The following SCFD2 variants were observed in gnomAD, a reference collection of about 807,000 sequenced individuals.
SCFD2 encodes sec1 family domain-containing protein 2.
Under a neutral mutation model 58.9 loss-of-function variants are expected in SCFD2, and 54 were observed. The ratio of observed to expected loss-of-function variants is 0.92; its 90% CI spans 0.74 to 1.15. The LOEUF is 1.15. Among genes scored for constraint, SCFD2 ranks in the 50% most tolerant of loss-of-function variants. SCFD2 has a pLI of 0.00. For missense variants in SCFD2, 805 were observed against 836.6 expected, an observed-to-expected ratio of 0.96 and a Z score of 0.47; for synonymous variants, 321 against 335.9, an observed-to-expected ratio of 0.96 and a Z score of 0.49.
At chr4:52,965,937 T>C (rs1720952790) in intron 5 of SCFD2, among the ~76,000 whole-genome samples, 1 of 152,234 alleles carries the variant, frequency 6.6e-6, no homozygotes, top group Non-Finnish European at 1.5e-5. Context: ...TCAAACAACA[T>C]GGGTAAACAT....
At chr4:53,281,689 T>G (rs540293733) in intron 3 of SCFD2, among the ~76,000 whole-genome samples, 1 of 152,178 alleles carries the variant, frequency 6.6e-6, no homozygotes, top group Non-Finnish European at 1.5e-5. Context: ...ATCACCGAAA[T>G]AGTCTATAAG....
chr4:53,017,174 C>T (rs1318951374), intron 5 of SCFD2, among the ~76,000 whole-genome samples: 2 of 152,014 alleles, frequency 1.3e-5, no homozygotes, highest in Non-Finnish European at 2.9e-5. Context: ...GGGTGGGCAC[C>T]GGTGGCTAAT....
chr4:53,180,866 T>C (rs1727527264), intron 4 of SCFD2, among the ~76,000 whole-genome samples: 1 of 152,146 alleles, frequency 6.6e-6, no homozygotes, highest in South Asian at 2.1e-4. Context: ...CAGAGAACAC[T>C]ATAAACACCT....
intron 4 of SCFD2, among the ~76,000 whole-genome samples, chr4:53,253,923 A>G (rs1730498911): frequency 6.6e-6 from 1 of 151,884 alleles, no homozygotes; most frequent in Non-Finnish European, 1.5e-5. Context: ...AGTCAAAAAA[A>G]AAAATCATGT....
chr4:53,100,369 T>C (rs1315717704), intron 5 of SCFD2, among the ~76,000 whole-genome samples: 1 of 152,130 alleles, frequency 6.6e-6, no homozygotes, highest in East Asian at 1.9e-4. Context: ...AGAAGTACCA[T>C]CATAGTTATG....
Position 52,936,534 on chromosome 4 carries a change from C to T in SCFD2, c.1562-15664G>A, listed in dbSNP as rs150411776. On this transcript the variant is annotated intron_variant, in intron 5 of 8. Transcript: ENST00000401642. ...GTCAATGAGTGTCTTAGTAATAAGA[C>T]TCTAAAATACCTCTTCACTTCTCCT... Among the ~76,000 whole-genome samples, 763 of 152,260 alleles carry T rather than the reference C, an allele frequency of 5.0e-3. 3 individuals carry two copies. The highest frequency in any genetic ancestry group is 0.018 in the African/African-American group (728 of 41,538).
chr4:53,199,872 T>C (rs1246453502), intron 4 of SCFD2, among the ~76,000 whole-genome samples: 1 of 152,068 alleles, frequency 6.6e-6, no homozygotes, highest in African/African-American at 2.4e-5. Flanking sequence ...AAGGGCTCTC[T>C]TCCTGCTTGC....
chr4:52,947,377 C>A (rs1259041567), intron 5 of SCFD2, among the ~76,000 whole-genome samples: 1 of 152,136 alleles, frequency 6.6e-6, no homozygotes, highest in East Asian at 1.9e-4. Context: ...AATACCAATT[C>A]TCTACAAATT....
chr4:53,113,307 A>G (rs1725224814), intron 5 of SCFD2, among the ~76,000 whole-genome samples: 1 of 152,038 alleles, frequency 6.6e-6, no homozygotes. Context: ...TTGGCCAATG[A>G]AATATGAGCA....
At position 53,313,720 on chromosome 4, in the gene SCFD2, T is replaced by C; in HGVS notation, c.1051A>G (p.Lys351Glu). ...KALWEALLNT[K>E]HKEAVMEVRR... ...ACTTCCATCACTGCCTCTTTGTGCT[T>C]AGTGTTCAGTAAAGCTTCCCATAGG... The change falls in exon 3 of 9, where the codon AAG (lysine) becomes GAG (glutamate). Residue 351 changes from lysine (K) to glutamate (E), a missense_variant. Physicochemically the swap from Lys to Glu is moderately conservative, Grantham distance 56. Around this residue, in one of 3 missense-constraint regions of SCFD2, gnomAD observed 633 missense variants for 646.8 expected, o/e 0.98. Coordinates refer to ENST00000401642, the MANE Select transcript of SCFD2 (RefSeq NM_152540.4). 6.2e-7 allele frequency: 1 copy of C among 1,614,076 alleles called. No homozygotes were observed. Among genetic ancestry groups the C allele is most frequent in the African/African-American group, 1.3e-5 (1 of 75,058 alleles).
In SCFD2 at chr4:53,297,065, G is replaced by C. The variant is rs553104265; in HGVS notation, c.1135+16571C>G. 7.9e-5 allele frequency among the ~76,000 whole-genome samples: 12 copies of C among 152,226 alleles called. No individual in the cohort carries two copies. The East Asian group carries it at 2.3e-3, about 29-fold the overall frequency. ...GGAGTGTTTTACTTCCAATTATGTG[G>C]TCAATTTTAGAATCAGTGTGGTGTG... On this transcript the variant is annotated intron_variant, in intron 3 of 8. Coordinates refer to ENST00000401642, the MANE Select transcript of SCFD2 (RefSeq NM_152540.4).
intron 4 of SCFD2, among the ~76,000 whole-genome samples, chr4:53,152,615 C>T (rs1199681674): frequency 2.0e-5 from 3 of 152,166 alleles, no homozygotes; most frequent in Admixed American, 6.5e-5. Flanking sequence ...CTCCTCAAAT[C>T]TCATGTCCTC....
chr4:53,106,331 C>G (rs1213040695), intron 5 of SCFD2, among the ~76,000 whole-genome samples: 5 of 152,176 alleles, frequency 3.3e-5, no homozygotes, highest in Non-Finnish European at 7.3e-5. Context: ...ACGGTCACAA[C>G]TGCTTGCCAG....
At chr4:52,905,463 C>T (rs1249048620) in intron 7 of SCFD2, among the ~76,000 whole-genome samples, 1 of 152,158 alleles carries the variant, frequency 6.6e-6, no homozygotes. Flanking sequence ...CAGAACTCTC[C>T]CCCACCCCCT....
At chr4:53,016,023 A>C (rs2148810743) in intron 5 of SCFD2, among the ~76,000 whole-genome samples, 1 of 152,356 alleles carries the variant, frequency 6.6e-6, no homozygotes, top group African/African-American at 2.4e-5. Context: ...GAAGGCAGAA[A>C]CTGCTTCTTA....
rs10557430 is a variant in SCFD2 at position 52,907,708 on chromosome 4, A to ATGTGTGTGTGTGTG, written c.1708-131_1708-118dup. ...TATTTTGATACTGAGCAATGCCTAT[A>ATGTGTGTGTGTGTG]TGTGTGTGTGTGTGTGTGTGTGTGT... On this transcript the variant is annotated intron_variant, in intron 6 of 8. Coordinates refer to ENST00000401642, the MANE Select transcript of SCFD2 (RefSeq NM_152540.4). 1.0e-5 allele frequency: 7 copies of ATGTGTGTGTGTGTG among 684,986 alleles called. No homozygotes were observed. The African/African-American group carries it at 1.1e-4, about 11-fold the overall frequency. The allele number at this position is 684,986 out of a possible 1,614,324, so 42.4% of individuals were successfully genotyped here.
chr4:52,923,495 A>AATAAATAG (rs1719791663), intron 5 of SCFD2, among the ~76,000 whole-genome samples: 1 of 150,754 alleles, frequency 6.6e-6, no homozygotes, highest in Admixed American at 6.6e-5. Flanking sequence ...TAAATAAATA[A>AATAAATAG]ATAAATAAAT....
intron 3 of SCFD2, among the ~76,000 whole-genome samples, chr4:53,313,280 A>G (rs552958914): frequency 6.4e-4 from 98 of 152,324 alleles, no homozygotes; most frequent in African/African-American, 2.2e-3. Context: ...TTTACCCACC[A>G]TAAGTGGGGT....
intron 2 of SCFD2, among the ~76,000 whole-genome samples, chr4:53,320,613 G>A (rs1229610873): frequency 6.6e-6 from 1 of 152,042 alleles, no homozygotes; most frequent in African/African-American, 2.4e-5. Context: ...GTAAAACCCT[G>A]TCTCAAAAAA....
Sources: allele counts gnomAD v4.1 joint callset (sites outside exome capture counted in the v4.1 genomes callset), GRCh38; gene constraint gnomAD v4.1.1; regional missense constraint gnomAD v4.1.1; transcripts MANE v1.5; gene names NCBI Gene and HGNC (gene_info 2026-07-23, HGNC 2026-07-21).